BABAM2: variants seen among roughly 807,000 people sequenced by gnomAD.
The protein encoded by BABAM2 is BRISC and BRCA1-A complex member 2.
Under a neutral mutation model 54.7 loss-of-function variants are expected in BABAM2, and 31 were observed. The observed-to-expected ratio is 0.57, with a 90% confidence interval of 0.43 to 0.77. The LOEUF (loss-of-function observed/expected upper bound fraction) is 0.77, where lower values mean the gene tolerates loss of function less well. Ranked by LOEUF, BABAM2 falls within the 30% of genes least tolerant of loss-of-function variation. The probability of loss-of-function intolerance (pLI) is 0.00; values close to 1 mark genes in which losing one functional copy is unlikely to be tolerated. For missense variants in BABAM2, 364 were observed against 455.8 expected (o/e 0.80, Z 1.83); for synonymous variants, 167 against 162.9 (o/e 1.03, Z -0.19).
intron 3 of BABAM2, among the ~76,000 whole-genome samples, chr2:27,963,689 T>C (rs1458846980): frequency 1.3e-5 from 2 of 152,134 alleles, no homozygotes; most frequent in Non-Finnish European, 2.9e-5. Context: ...ACAATTTCCC[T>C]CTGATGTCTT....
intron 7 of BABAM2, among the ~76,000 whole-genome samples, chr2:28,200,651 A>G (rs536524888): frequency 6.6e-6 from 1 of 152,348 alleles, no homozygotes; most frequent in African/African-American, 2.4e-5. Context: ...TTCAAGCAAT[A>G]GATAGCATCC....
At chr2:28,320,862 G>A (rs1689970494) in intron 11 of BABAM2, among the ~76,000 whole-genome samples, 1 of 152,208 alleles carries the variant, frequency 6.6e-6, no homozygotes, top group South Asian at 2.1e-4. Context: ...GCTCCTTCAT[G>A]TATATGGGGG....
intron 5 of BABAM2, among the ~76,000 whole-genome samples, chr2:28,040,291 A>ATTTTTTTTTTTTTTTTTTTTT (rs1204898070): frequency 1.0e-5 from 1 of 97,240 alleles, no homozygotes; most frequent in Non-Finnish European, 2.1e-5. Context: ...GAAAAACTGA[A>ATTTTTTTTTTTTTTTTTTTTT]TTCTTTTTTT....
At chr2:28,202,002 A>G (rs1678330436) in intron 7 of BABAM2, among the ~76,000 whole-genome samples, 1 of 152,162 alleles carries the variant, frequency 6.6e-6, no homozygotes, top group South Asian at 2.1e-4. Context: ...CCAGGGGAAC[A>G]ATTGGGAATT....
intron 7 of BABAM2, among the ~76,000 whole-genome samples, chr2:28,171,015 G>T (rs1038394916): frequency 6.6e-6 from 1 of 152,100 alleles, no homozygotes; most frequent in Admixed American, 6.6e-5. Context: ...TTATGTATGC[G>T]TGTCCTTCTA....
At chr2:28,277,712 G>A (rs1484419647) in intron 10 of BABAM2, among the ~76,000 whole-genome samples, 1 of 152,216 alleles carries the variant, frequency 6.6e-6, no homozygotes, top group African/African-American at 2.4e-5. Context: ...CGGGCATGCA[G>A]AGGTTAAAGT....
chr2:28,206,017 C>T (rs1413480495), intron 7 of BABAM2, among the ~76,000 whole-genome samples: 8 of 151,968 alleles, frequency 5.3e-5, no homozygotes, highest in Non-Finnish European at 7.4e-5. Flanking sequence ...GTAGGACTGA[C>T]GTTGAAAGAA....
intron 4 of BABAM2, among the ~76,000 whole-genome samples, chr2:27,992,337 C>T (rs1297954436): frequency 6.6e-6 from 1 of 152,084 alleles, no homozygotes; most frequent in Admixed American, 6.5e-5. Flanking sequence ...GTGCATTGAA[C>T]ACTGTTCAAT....
chr2:28,317,380 T>G (rs1427982183), intron 11 of BABAM2, among the ~76,000 whole-genome samples: 1 of 152,190 alleles, frequency 6.6e-6, no homozygotes, highest in Non-Finnish European at 1.5e-5. Context: ...TAAGAGTGAC[T>G]TTGACCTATT....
intron 3 of BABAM2, among the ~76,000 whole-genome samples, chr2:27,930,732 C>T (rs1345701933): frequency 1.3e-5 from 2 of 152,168 alleles, no homozygotes; most frequent in Admixed American, 6.5e-5. Flanking sequence ...CTTAGCCCAT[C>T]AGCTACAGCA....
At chr2:28,205,791 AC>A (rs1376926656) in intron 7 of BABAM2, among the ~76,000 whole-genome samples, 1 of 152,196 alleles carries the variant, frequency 6.6e-6, no homozygotes, top group African/African-American at 2.4e-5. Flanking sequence ...TATCTCACTT[AC>A]AGCAATAATG....
chr2:28,278,906 G>A (rs562095343), intron 10 of BABAM2, among the ~76,000 whole-genome samples: 1 of 152,338 alleles, frequency 6.6e-6, no homozygotes, highest in African/African-American at 2.4e-5. Context: ...CATTGATGGT[G>A]TAGAAAAAGA....
chr2:28,244,300 A>C (rs1370109794), intron 9 of BABAM2, among the ~76,000 whole-genome samples: 1 of 152,194 alleles, frequency 6.6e-6, no homozygotes, highest in African/African-American at 2.4e-5. Context: ...ATTGCATATT[A>C]CTATGTAGTG....
chr2:27,952,787 G>C (rs1669832130), intron 3 of BABAM2, among the ~76,000 whole-genome samples: 1 of 152,062 alleles, frequency 6.6e-6, no homozygotes, highest in South Asian at 2.1e-4. Flanking sequence ...TCTGCTTCAG[G>C]GGAAACAATT....
chr2:27,937,633 A>G (rs1406262939), intron 3 of BABAM2, among the ~76,000 whole-genome samples: 3 of 152,244 alleles, frequency 2.0e-5, no homozygotes, highest in African/African-American at 7.2e-5. Context: ...GTGTCTCTTT[A>G]GGTCTTTTAC....
intron 7 of BABAM2, among the ~76,000 whole-genome samples, chr2:28,202,932 T>C (rs546174485): frequency 6.6e-6 from 1 of 152,302 alleles, no homozygotes; most frequent in South Asian, 2.1e-4. Context: ...AGCATGGATT[T>C]TGTACCTTAA....
chr2:28,015,047 C>T, intron 4 of BABAM2, among the ~76,000 whole-genome samples: 1 of 152,130 alleles, frequency 6.6e-6, no homozygotes, highest in East Asian at 1.9e-4. Context: ...GCTTTTGGGT[C>T]TTTCTCATGC....
At chr2:27,934,710 A>G (rs1488110942) in intron 3 of BABAM2, among the ~76,000 whole-genome samples, 1 of 152,270 alleles carries the variant, frequency 6.6e-6, no homozygotes, top group East Asian at 1.9e-4. Flanking sequence ...CACATGAATT[A>G]TAAGACTGTG....
intron 3 of BABAM2, among the ~76,000 whole-genome samples, chr2:27,945,544 C>A (rs1052997839): frequency 6.6e-6 from 1 of 152,104 alleles, no homozygotes; most frequent in East Asian, 1.9e-4. Context: ...CTTTGCATTT[C>A]CATAGAAGTT....
Sources: allele counts gnomAD v4.1 joint callset (sites outside exome capture counted in the v4.1 genomes callset), GRCh38; gene constraint gnomAD v4.1.1; transcripts MANE v1.5; gene names NCBI Gene and HGNC (gene_info 2026-07-23, HGNC 2026-07-21).